KPTN: variants seen among roughly 807,000 people sequenced by gnomAD.
KPTN encodes the protein KICSTOR complex protein kaptin.
A neutral mutation model predicts 52.6 loss-of-function variants in KPTN; 36 were observed. That is an observed-to-expected ratio of 0.68 (90% CI 0.52 to 0.90). KPTN has a LOEUF of 0.90. Among genes scored for constraint, KPTN ranks in the 40% least tolerant of loss-of-function variants. The pLI is 0.00. For synonymous variants in KPTN, 271 were observed against 248.4 expected, an observed-to-expected ratio of 1.09 and a Z score of -0.85; for missense variants, 529 against 576.2, an observed-to-expected ratio of 0.92 and a Z score of 0.84.
Position 47,475,333 on chromosome 19 carries a change from C to T in KPTN, c.*83G>A. On this transcript the variant is annotated 3_prime_UTR_variant, in exon 12 of 12. Transcript: ENST00000338134. ...GGGAGGTCTGGGGAGAGCATCCTGT[C>T]CTTCAGGACACCCCCCACCAGCGGC... The T allele has an allele frequency of 6.6e-7, 1 of 1,517,016 alleles. No individual in the cohort carries two copies. Among genetic ancestry groups the T allele is most frequent in the Non-Finnish European group, 8.9e-7 (1 of 1,122,162 alleles). The allele number at this position is 1,517,016 out of a possible 1,614,324, so 94.0% of individuals were successfully genotyped here. A position where few individuals can be genotyped will look rare whatever the true frequency, so the allele number is the denominator to read the frequency against.
chr19:47,477,582 G>C, intron 9 of KPTN, 124 bp downstream of exon 9: 1 of 704,794 alleles, frequency 1.4e-6, no homozygotes, highest in Non-Finnish European at 2.5e-6. Flanking sequence ...TGGGTCACGA[G>C]TATCTGTACT....
At position 47,480,977 on chromosome 19, in the gene KPTN, G is replaced by T. The variant is rs773440579; in HGVS notation, c.506C>A (p.Ala169Asp). 6.2e-6 allele frequency: 10 copies of T among 1,603,496 alleles called. No individual in the cohort carries two copies. The East Asian group carries it at 1.6e-4, about 25-fold the overall frequency. Residue 169 changes from alanine to aspartate, a missense_variant, in exon 5 of 12, where the codon GCC (alanine) becomes GAC (aspartate). Physicochemically the swap from Ala to Asp is moderately radical, Grantham distance 126. Transcript: ENST00000338134. Reference sequence around the variant, plus strand: ...CCTCACCTCCTTGTAGAGATGAATGGCCGGGTCGTTCCCACTCAAGAGAAA... The same window carrying T: ...CCTCACCTCCTTGTAGAGATGAATGTCCGGGTCGTTCCCACTCAAGAGAAA... ...TVFLLSGNDP[A>D]IHLYKENEGL...
intron 9 of KPTN, among the ~76,000 whole-genome samples, chr19:47,477,458 T>C (rs571363621): frequency 6.6e-6 from 1 of 152,264 alleles, no homozygotes; most frequent in Admixed American, 6.5e-5. Context: ...GATTAACCAT[T>C]TTCCAGCATA....
rs371031354 is a variant in KPTN at position 47,476,571 on chromosome 19, C to T, written c.1143G>A (p.Glu381=). The T allele has an allele frequency of 9.3e-6, 15 of 1,611,656 alleles. No individual in the cohort carries two copies. Among genetic ancestry groups the T allele is most frequent in the Admixed American group, 6.7e-5 (4 of 59,612 alleles). ...CGCCCTTCAGGGAGACCACGGCAAG[C>T]TCCTGCAGCCCATCCCCGGTCAGGT... is the stretch of plus-strand genomic sequence containing the variant. ...HVDLTGDGLQ[E]LAVVSLKGVH... The change falls in exon 11 of 12, where the codon GAG becomes GAA. Residue 381 remains glutamate (E), a synonymous_variant. Transcript: ENST00000338134.
upstream of KPTN, chr19:47,484,575 G>A (rs1484492732): frequency 3.6e-5 from 7 of 192,214 alleles, no homozygotes; most frequent in East Asian, 1.4e-4. Context: ...GGGGGTGGAG[G>A]TAGGTACTTA....
intron 8 of KPTN, among the ~76,000 whole-genome samples, 167 bp downstream of exon 8, chr19:47,479,696 G>A (rs1967797017): frequency 6.6e-6 from 1 of 152,004 alleles, no homozygotes; most frequent in Non-Finnish European, 1.5e-5. Flanking sequence ...GGGGAGGGAA[G>A]AGGTGCACTG....
chr19:47,479,545 C>A (rs1967791239), intron 8 of KPTN, among the ~76,000 whole-genome samples: 1 of 152,086 alleles, frequency 6.6e-6, no homozygotes, highest in African/African-American at 2.4e-5. Context: ...GGTTAGAGTA[C>A]AGAGGGAGAG....
intron 4 of KPTN, among the ~76,000 whole-genome samples, chr19:47,481,968 T>C (rs1388583452): frequency 6.6e-6 from 1 of 152,222 alleles, no homozygotes; most frequent in Non-Finnish European, 1.5e-5. Context: ...TTCTGGCTTC[T>C]ATCGTACTGT....
At position 47,476,688 on chromosome 19, in the gene KPTN, G is replaced by GC. The variant is rs1967679780; in HGVS notation, c.1025dup (p.Glu344ArgfsTer6). 1 of 1,612,412 alleles carries GC rather than the reference G, an allele frequency of 6.2e-7. No individual in the cohort carries two copies. Among genetic ancestry groups the GC allele is most frequent in the Non-Finnish European group, 8.5e-7 (1 of 1,179,508 alleles). On this transcript the variant is annotated frameshift_variant, in exon 11 of 12. Transcript: ENST00000338134. LOFTEE classifies it high-confidence loss of function. ...GGGCCTCAGGAAGCCCCGACTCTGG[G>GC]CCCCGGTACTTATAACACAGCAGTT...
In KPTN at chr19:47,480,774, C is replaced by G; in HGVS notation, c.585G>C (p.Thr195=). The G allele has an allele frequency of 1.2e-6, 2 of 1,614,090 alleles. No individual in the cohort carries two copies. The highest frequency in any genetic ancestry group is 2.2e-5 in the East Asian group (1 of 44,862). ...GCCTCTCCTACCTACTGGTCAGGTT[C>G]GTCAGCTCTGGGAAGAGGTTTTCCA... ...QPVENLFPEL[T]NLTSSVLWLD... is the part of the protein sequence containing the mutation. The change falls in exon 6 of 12, where the codon ACG becomes ACC. Residue 195 remains threonine (T), a synonymous_variant. Coordinates refer to ENST00000338134, the MANE Select transcript of KPTN (RefSeq NM_007059.4).
intron 6 of KPTN, 152 bp from the exon 7 acceptor site, chr19:47,480,559 G>A: frequency 1.4e-6 from 1 of 734,350 alleles, no homozygotes; most frequent in Non-Finnish European, 2.3e-6. Flanking sequence ...TTCCTCTGAG[G>A]TCAATTCTCA....
Position 47,480,283 on chromosome 19 carries a change from C to A in KPTN, c.709+15G>T. The A allele has an allele frequency of 6.6e-7, 1 of 1,514,460 alleles. No homozygotes were observed. The highest frequency in any genetic ancestry group is 9.0e-7 in the Non-Finnish European group (1 of 1,116,202). 93.8% of individuals were successfully genotyped at this position (1,514,460 alleles called of 1,614,324 possible). A position where few individuals can be genotyped will look rare whatever the true frequency, so the allele number is the denominator to read the frequency against. On this transcript the variant is annotated intron_variant, in intron 7 of 11. Coordinates refer to ENST00000338134, the MANE Select transcript of KPTN (RefSeq NM_007059.4). ...CTCAACCCCACCCCTTACCCCGCCT[C>A]ACCGCGGCCCTCACCTCGACTCCGC... is the stretch of plus-strand genomic sequence containing the variant.
chr19:47,480,774 C>T lies in KPTN; in HGVS notation c.585G>A (p.Thr195=), dbSNP rs1305834144. 1 of 1,614,090 alleles carries T rather than the reference C, an allele frequency of 6.2e-7. No homozygotes were observed. Residue 195 remains threonine (T), a synonymous_variant, in exon 6 of 12, where the codon ACG becomes ACA. Coordinates refer to ENST00000338134, the MANE Select transcript of KPTN (RefSeq NM_007059.4). ...QPVENLFPEL[T]NLTSSVLWLD... ...GCCTCTCCTACCTACTGGTCAGGTT[C>T]GTCAGCTCTGGGAAGAGGTTTTCCA...
Position 47,476,679 on chromosome 19 carries a change from C to G in KPTN, c.1035G>C (p.Ser345=), listed in dbSNP as rs201351395. ...LLCYKYRGPE[S]GLPEAQHGFH... ...ACCCGTGCTGGGCCTCAGGAAGCCC[C>G]GACTCTGGGCCCCGGTACTTATAAC... Residue 345 remains serine (S), a synonymous_variant, in exon 11 of 12, where the codon TCG becomes TCC. Transcript: ENST00000338134. The G allele has an allele frequency of 1.2e-6, 2 of 1,612,638 alleles. No individual in the cohort carries two copies. Among genetic ancestry groups the G allele is most frequent in the South Asian group, 1.1e-5 (1 of 90,856 alleles).
chr19:47,477,478 T>A (rs951346500), intron 9 of KPTN, among the ~76,000 whole-genome samples: 3 of 151,964 alleles, frequency 2.0e-5, no homozygotes, highest in Non-Finnish European at 2.9e-5. Flanking sequence ...ACCTACTACA[T>A]CTACTCCAGG....
In KPTN at chr19:47,476,797, T is replaced by A. The variant is rs1380077120; in HGVS notation, c.999+6A>T. The A allele has an allele frequency of 6.3e-7, 1 of 1,590,920 alleles. No homozygotes were observed. Among genetic ancestry groups the A allele is most frequent in the Admixed American group, 1.8e-5 (1 of 55,986 alleles). On this transcript the variant is annotated splice_donor_region_variant and intron_variant, in intron 10 of 11. Transcript: ENST00000338134. ...GGTGGGTGTGGCTCCAACTGTCAGG[T>A]CCCACCTGTCCATAGGTGGCCACCA...
Position 47,475,450 on chromosome 19 carries a change from G to A in KPTN, c.1277C>T (p.Ala426Val), listed in dbSNP as rs757152910. 3.1e-6 allele frequency: 5 copies of A among 1,613,228 alleles called. No individual in the cohort carries two copies. Among genetic ancestry groups the A allele is most frequent in the East Asian group, 2.2e-5 (1 of 44,852 alleles). Residue 426 changes from alanine (A) to valine (V), a missense_variant, in exon 12 of 12, where the codon GCA (alanine) becomes GTA (valine). By Grantham distance (64) the Ala-to-Val change is moderately conservative. Coordinates refer to ENST00000338134, the MANE Select transcript of KPTN (RefSeq NM_007059.4). Reference protein sequence around the residue: ...RRRLQGLEDGAGAGPAENAAS With the variant: ...RRRLQGLEDGVGAGPAENAAS ...TGCATTCTCAGCAGGCCCTGCACCT[G>A]CCCCGTCCTCCAACCCCTGTAGCCG...
chr19:47,475,857 A>G (rs1283721698), intron 11 of KPTN, among the ~76,000 whole-genome samples: 1 of 152,050 alleles, frequency 6.6e-6, no homozygotes, highest in Non-Finnish European at 1.5e-5. Context: ...GCTACTAGGG[A>G]GGCTGAGGCA....
At chr19:47,484,702 C>A (rs984581204), upstream of KPTN, among the ~76,000 whole-genome samples, 2 of 148,338 alleles carry the variant, frequency 1.3e-5, no homozygotes, top group African/African-American at 5.0e-5. Flanking sequence ...CTCCACAGTT[C>A]ACTATTTTTT....
Sources: gnomAD v4.1 joint callset for allele counts (sites outside exome capture counted in the v4.1 genomes callset) on GRCh38, gnomAD v4.1.1 for gene constraint, MANE v1.5 for transcripts, NCBI Gene and HGNC (gene_info 2026-07-23, HGNC 2026-07-21) for gene names.